The following KIRREL1 variants were observed in gnomAD, a reference collection of about 807,000 sequenced individuals.
KIRREL1 encodes the protein kin of IRRE-like protein 1.
KIRREL1 carries 25 observed loss-of-function variants against 83.3 expected under a neutral mutation model. The ratio of observed to expected loss-of-function variants is 0.30; its 90% CI spans 0.22 to 0.42. The LOEUF (loss-of-function observed/expected upper bound fraction) is 0.42. Ranked by LOEUF, KIRREL1 falls within the 10% of genes least tolerant of loss-of-function variation. The pLI, the probability that KIRREL1 is intolerant of heterozygous loss-of-function variation, is 1.00. For missense variants in KIRREL1, 812 were observed against 1,032.3 expected, an observed-to-expected ratio of 0.79 and a Z score of 2.92; for synonymous variants, 388 against 410.4, an observed-to-expected ratio of 0.95 and a Z score of 0.66.
intron 1 of KIRREL1, among the ~76,000 whole-genome samples, chr1:158,023,812 T>C (rs1304533182): frequency 6.6e-6 from 1 of 152,210 alleles, no homozygotes; most frequent in Non-Finnish European, 1.5e-5. Flanking sequence ...TTTCAGGAAC[T>C]GTTTGGAAAG....
rs898386865 is a variant in KIRREL1 at position 158,096,464 on chromosome 1, G to A, written c.*1344G>A. The A allele has an allele frequency of 4.2e-5, 17 of 400,108 alleles. No homozygotes were observed. The highest frequency in any genetic ancestry group is 2.3e-4 in the African/African-American group (11 of 48,684). 24.8% of individuals were successfully genotyped at this position (400,108 alleles called of 1,614,324 possible). A position where few individuals can be genotyped will look rare whatever the true frequency, so the allele number is the denominator to read the frequency against. On this transcript the variant is annotated 3_prime_UTR_variant, in exon 15 of 15. Transcript: ENST00000359209. ...TGACCGACCCTATGTGGGCGGTTGT[G>A]TGGGGAGTGGGTACTTGTGAGCCTC... is the stretch of plus-strand genomic sequence containing the variant.
At chr1:158,067,615 A>G (rs994814252) in intron 1 of KIRREL1, among the ~76,000 whole-genome samples, 1 of 152,180 alleles carries the variant, frequency 6.6e-6, no homozygotes, top group Non-Finnish European at 1.5e-5. Context: ...CTGAGACCCA[A>G]ATAAGTGAAA....
intron 1 of KIRREL1, among the ~76,000 whole-genome samples, chr1:158,039,171 C>T (rs951646967): frequency 6.6e-6 from 1 of 152,198 alleles, no homozygotes; most frequent in Non-Finnish European, 1.5e-5. Flanking sequence ...GCCCAGCCTG[C>T]CTATGATTTT....
chr1:157,993,756 G>A (rs1339931373), intron 1 of KIRREL1, 28 bp downstream of exon 1: 12 of 1,433,030 alleles, frequency 8.4e-6, no homozygotes, highest in East Asian at 3.0e-5. Context: ...ACCCCCGGAC[G>A]CTCGGCTTCC....
chr1:158,056,796 C>T (rs1661075699), intron 1 of KIRREL1, among the ~76,000 whole-genome samples: 1 of 152,186 alleles, frequency 6.6e-6, no homozygotes, highest in Non-Finnish European at 1.5e-5. Flanking sequence ...GGGGTGCTGG[C>T]AGCCTGGGCT....
At chr1:158,093,258 G>T in intron 11 of KIRREL1, 81 bp from the exon 12 acceptor site, 1 of 1,186,534 alleles carries the variant, frequency 8.4e-7, no homozygotes, top group Non-Finnish European at 1.3e-6. Context: ...TGTGGCTGTG[G>T]CCTAGCCTTT....
Position 158,094,867 on chromosome 1 carries a change from C to T in KIRREL1, c.2021C>T (p.Ala674Val). ...ACACCCCCTGGCCCTGCTGCCCCAG[C>T]TGGCACTGACACAACCAGCCAGCTG... is the stretch of plus-strand genomic sequence containing the variant. The part of the protein sequence containing the change: ...EPTPPGPAAP[A>V]GTDTTSQLSY... Residue 674 changes from alanine (A) to valine (V), a missense_variant, in exon 15 of 15, where the codon GCT becomes GTT. Ala to Val is a moderately conservative substitution (Grantham distance 64, BLOSUM62 0). Coordinates refer to ENST00000359209, the MANE Select transcript of KIRREL1 (RefSeq NM_018240.7). This position sits in a 1 kb window ranked among gnomAD's most constrained non-coding sequence, Gnocchi z 4.6. 6.2e-7 allele frequency: 1 copy of T among 1,614,014 alleles called. No individual in the cohort carries two copies. Among genetic ancestry groups the T allele is most frequent in the Non-Finnish European group, 8.5e-7 (1 of 1,179,942 alleles).
chr1:158,094,587 C>T lies in KIRREL1; in HGVS notation c.1798-57C>T. On this transcript the variant is annotated intron_variant, in intron 14 of 14. Transcript: ENST00000359209. The surrounding 1 kb of genome is among the most constrained non-coding windows in gnomAD (Gnocchi z 4.6). ...AGAGGCCCAGAAAGCCATGGTGAGA[C>T]TTGATCCCCACCCAAGAGGGAACAC... The T allele has an allele frequency of 6.9e-7, 1 of 1,442,318 alleles. No homozygotes were observed. 89.3% of individuals were successfully genotyped at this position (1,442,318 alleles called of 1,614,324 possible). A position where few individuals can be genotyped will look rare whatever the true frequency, so the allele number is the denominator to read the frequency against.
intron 1 of KIRREL1, among the ~76,000 whole-genome samples, chr1:158,006,716 C>T (rs1659528840): frequency 6.6e-6 from 1 of 152,160 alleles, no homozygotes; most frequent in African/African-American, 2.4e-5. Flanking sequence ...GGCTGGAGGA[C>T]TCTGGTGTCC....
intron 1 of KIRREL1, among the ~76,000 whole-genome samples, chr1:158,027,806 A>T (rs993148671): frequency 6.6e-6 from 1 of 152,194 alleles, no homozygotes; most frequent in African/African-American, 2.4e-5. Flanking sequence ...AAAGCAGTAG[A>T]TGTTAAATTG....
At chr1:158,067,571 T>G (rs185962182) in intron 1 of KIRREL1, among the ~76,000 whole-genome samples, 392 of 152,306 alleles carry the variant, frequency 2.6e-3, no homozygotes, top group Non-Finnish European at 4.4e-3. Context: ...GGGGGCCAAG[T>G]GAATCTTCTC....
chr1:158,094,324 T>C lies in KIRREL1; in HGVS notation c.1731T>C (p.Asp577=), dbSNP rs1662291571. The part of the protein sequence containing the change: ...VMKAIYSSFK[D]DVDLKQDLRC... ...CTGCTGCTCCACAGTCGTTTAAGGA[T>C]GATGTGGATCTGAAGCAGGACCTGC... is the stretch of plus-strand genomic sequence containing the variant. The change falls in exon 14 of 15, where the codon GAT becomes GAC. Residue 577 remains aspartate (D), a synonymous_variant. Coordinates refer to ENST00000359209, the MANE Select transcript of KIRREL1 (RefSeq NM_018240.7). This position sits in a 1 kb window ranked among gnomAD's most constrained non-coding sequence, Gnocchi z 4.6. 3.7e-6 allele frequency: 6 copies of C among 1,607,924 alleles called. No individual in the cohort carries two copies. The highest frequency in any genetic ancestry group is 5.1e-6 in the Non-Finnish European group (6 of 1,177,824).
In KIRREL1 at chr1:158,074,580, G is replaced by C. The variant is rs185113686; in HGVS notation, c.53-1533G>C. On this transcript the variant is annotated intron_variant, in intron 1 of 14. Transcript: ENST00000359209. ...ATGGACATTACCCCTGATCATTTGA[G>C]AGAGGAAACCCCGTACATAGTGATA... Among the ~76,000 whole-genome samples the C allele has an allele frequency of 2.0e-5, 3 of 152,314 alleles. No homozygotes were observed. The East Asian group carries it at 5.8e-4, about 29-fold the overall frequency.
chr1:158,086,737 G>A lies in KIRREL1; in HGVS notation c.652G>A (p.Asp218Asn), dbSNP rs1377462144. 1.9e-6 allele frequency: 3 copies of A among 1,551,070 alleles called. No homozygotes were observed. The highest frequency in any genetic ancestry group is 2.6e-6 in the Non-Finnish European group (3 of 1,146,842). ...PSGKETSIELDVHHPPTVTLS... is the reference protein window; with the variant it reads ...PSGKETSIELNVHHPPTVTLS... ...TGGCAAGGAGACTTCCATCGAGCTG[G>A]ATGTGCACCGTGAGTGGGCTGGGGG... Residue 218 changes from aspartate to asparagine, a missense_variant, in exon 5 of 15, where the codon GAT (aspartate) becomes AAT (asparagine). By Grantham distance (23) the Asp-to-Asn change is conservative. Transcript: ENST00000359209.
chr1:157,994,423 G>T (rs1376078422), intron 1 of KIRREL1, among the ~76,000 whole-genome samples: 1 of 151,282 alleles, frequency 6.6e-6, no homozygotes, highest in Non-Finnish European at 1.5e-5. Flanking sequence ...CAGAGGCGGT[G>T]GGGGGAGGGG....
intron 11 of KIRREL1, 53 bp downstream of exon 11, chr1:158,091,609 G>C: frequency 6.4e-7 from 1 of 1,562,336 alleles, no homozygotes; most frequent in South Asian, 1.1e-5. Flanking sequence ...TGAGGATTCT[G>C]CTCCTTCTTT....
At position 158,093,422 on chromosome 1, in the gene KIRREL1, T is replaced by C. The variant is rs750903228; in HGVS notation, c.1555T>C (p.Phe519Leu). ...LIFFFIALVF[F>L]LYRRRKGSRK... is the part of the protein sequence containing the mutation. ...CTTCTTCTTCATCGCCTTGGTATTC[T>C]TCCTCTACCGGCGCCGCAAAGGCAG... Residue 519 changes from phenylalanine to leucine, a missense_variant, in exon 12 of 15, where the codon TTC (phenylalanine) becomes CTC (leucine). This residue lies in a region of KIRREL1 where 334 missense variants were observed against 383.7 expected (regional missense o/e 0.87). Coordinates refer to ENST00000359209, the MANE Select transcript of KIRREL1 (RefSeq NM_018240.7). 6.2e-7 allele frequency: 1 copy of C among 1,614,210 alleles called. No individual in the cohort carries two copies. The highest frequency in any genetic ancestry group is 8.5e-7 in the Non-Finnish European group (1 of 1,180,040).
intron 3 of KIRREL1, among the ~76,000 whole-genome samples, chr1:158,081,008 C>T (rs1434703148): frequency 9.9e-6 from 1 of 101,128 alleles, no homozygotes; most frequent in Non-Finnish European, 2.4e-5. Flanking sequence ...TCCTCTCCTC[C>T]CCAGCCATCC....
intron 1 of KIRREL1, among the ~76,000 whole-genome samples, chr1:158,064,931 GTCT>G (rs1661319444): frequency 1.0e-5 from 1 of 96,322 alleles, no homozygotes; most frequent in South Asian, 3.4e-4. Context: ...AAACCTGCTG[GTCT>G]TTTTTTTTTT....
Sources: gnomAD v4.1 joint callset for allele counts (sites outside exome capture counted in the v4.1 genomes callset) on GRCh38, gnomAD v4.1.1 for gene constraint, gnomAD v4.1.1 regional missense constraint, Gnocchi (gnomAD v3.1) non-coding constraint, MANE v1.5 for transcripts, NCBI Gene and HGNC (gene_info 2026-07-23, HGNC 2026-07-21) for gene names.